GNA11: variants seen among roughly 807,000 people sequenced by gnomAD.
GNA11 encodes G protein subunit alpha 11.
GNA11 carries 8 observed loss-of-function variants against 38.2 expected under a neutral mutation model. That is an observed-to-expected ratio of 0.21 (90% confidence interval 0.12 to 0.38). The LOEUF (loss-of-function observed/expected upper bound fraction) is 0.38, where lower values mean the gene tolerates loss of function less well. Ranked by LOEUF, GNA11 falls within the 10% of genes least tolerant of loss-of-function variation. The pLI is 1.00. For synonymous variants in GNA11, 211 were observed against 221.4 expected (o/e 0.95, Z 0.42); for missense variants, 268 against 516.3 (o/e 0.52, Z 4.66).
chr19:3,103,188 A>G (rs1364647335), intron 1 of GNA11, among the ~76,000 whole-genome samples: 1 of 152,024 alleles, frequency 6.6e-6, no homozygotes, highest in Non-Finnish European at 1.5e-5. Flanking sequence ...TTGAATCTTT[A>G]TATACTTTTT....
intron 1 of GNA11, among the ~76,000 whole-genome samples, chr19:3,103,395 TG>T (rs1306043680): frequency 6.6e-6 from 1 of 150,736 alleles, no homozygotes; most frequent in Non-Finnish European, 1.5e-5. Flanking sequence ...GTATTTTTAG[TG>T]GAGATGTGGT....
At position 3,123,756 on chromosome 19, in the gene GNA11, A is replaced by T. The variant is rs1012228670; in HGVS notation, c.*2577A>T. Reference sequence around the variant, plus strand: ...GTATATTACACAGTCCTGATTTCAGACAATTTCAACCTTAATCTATTTAAA... The same window carrying T: ...GTATATTACACAGTCCTGATTTCAGTCAATTTCAACCTTAATCTATTTAAA... On this transcript the variant is annotated 3_prime_UTR_variant, in exon 7 of 7. Coordinates refer to ENST00000078429, the MANE Select transcript of GNA11 (RefSeq NM_002067.5). The T allele has an allele frequency of 4.3e-6, 1 of 232,502 alleles. No homozygotes were observed. The highest frequency in any genetic ancestry group is 8.5e-6 in the Non-Finnish European group (1 of 117,640). 14.4% of individuals were successfully genotyped at this position (232,502 alleles called of 1,614,324 possible).
intron 1 of GNA11, among the ~76,000 whole-genome samples, chr19:3,096,707 A>AC (rs138095276): frequency 0.29 from 44,238 of 150,042 alleles, 7,300 homozygotes; most frequent in Middle Eastern, 0.43. Flanking sequence ...CTGCAGTCCC[A>AC]CCCCCTCCCA....
chr19:3,114,940 G>A lies in GNA11; in HGVS notation c.477-4G>A, dbSNP rs751890914. ...CGGCCTGAGCACCCACCGCTGTGTT[G>A]CAGCTACCTGACCGACGTTGACCGC... On this transcript the variant is annotated splice_polypyrimidine_tract_variant and splice_region_variant and intron_variant, in intron 3 of 6. Transcript: ENST00000078429. The A allele has an allele frequency of 6.2e-7, 1 of 1,601,902 alleles. No individual in the cohort carries two copies. The highest frequency in any genetic ancestry group is 8.5e-7 in the Non-Finnish European group (1 of 1,175,658).
chr19:3,094,793 T>C lies in GNA11; in HGVS notation c.136+6T>C. The C allele has an allele frequency of 6.4e-7, 1 of 1,564,168 alleles. No individual in the cohort carries two copies. The highest frequency in any genetic ancestry group is 8.6e-7 in the Non-Finnish European group (1 of 1,159,674). The stretch of plus-strand genomic sequence containing the variant: ...GCTCAAGCTGCTGCTGCTCGGTGAG[T>C]GCGGCCCCCGGGCCTGCCGGCTGCG... On this transcript the variant is annotated splice_donor_region_variant and intron_variant, in intron 1 of 6. Transcript: ENST00000078429. This position sits in a 1 kb window ranked among gnomAD's most constrained non-coding sequence, Gnocchi z 6.0.
chr19:3,112,765 CTTGATGATGT>C (rs1253747362), intron 2 of GNA11, among the ~76,000 whole-genome samples: 2 of 152,248 alleles, frequency 1.3e-5, no homozygotes, highest in Non-Finnish European at 2.9e-5. Context: ...GGTATCTGCT[CTTGATGATGT>C]TTGATAAGCA....
intron 3 of GNA11, 78 bp downstream of exon 3, chr19:3,113,562 G>A (rs147292645): frequency 0.013 from 15,488 of 1,164,104 alleles, 132 homozygotes; most frequent in Non-Finnish European, 0.016. Flanking sequence ...GAAGGCCTCC[G>A]CGGCGTCTGT....
intron 1 of GNA11, among the ~76,000 whole-genome samples, chr19:3,106,476 T>G (rs1270436299): frequency 6.6e-6 from 1 of 152,196 alleles, no homozygotes; most frequent in Non-Finnish European, 1.5e-5. Context: ...GGCTTAACAG[T>G]GGCCAGCACC....
intron 1 of GNA11, among the ~76,000 whole-genome samples, chr19:3,103,596 A>G (rs565989441): frequency 1.8e-4 from 21 of 119,428 alleles, no homozygotes; most frequent in African/African-American, 6.8e-4. Context: ...CAGTGGTAGA[A>G]TGTTTGCTCA....
At chr19:3,118,110 C>T (rs1260110658) in intron 4 of GNA11, 1 of 152,256 alleles carries the variant, frequency 6.6e-6, no homozygotes, top group African/African-American at 2.4e-5. Flanking sequence ...TTTCACCACT[C>T]ACATGCCCAA....
intron 1 of GNA11, among the ~76,000 whole-genome samples, chr19:3,101,480 C>T (rs900136437): frequency 6.6e-6 from 1 of 152,192 alleles, no homozygotes; most frequent in Non-Finnish European, 1.5e-5. Context: ...CTGGTTTGCT[C>T]GGCCTTAGTC....
At chr19:3,116,285 G>A (rs771754925) in intron 4 of GNA11, among the ~76,000 whole-genome samples, 2 of 152,152 alleles carry the variant, frequency 1.3e-5, no homozygotes, top group South Asian at 4.1e-4. Flanking sequence ...GGCTTTATGC[G>A]TGCCTGTCCT....
chr19:3,103,387 A>G (rs548734398), intron 1 of GNA11, among the ~76,000 whole-genome samples: 28 of 143,352 alleles, frequency 2.0e-4, no homozygotes, highest in African/African-American at 5.5e-4. Flanking sequence ...TAATTTTTGT[A>G]TTTTTAGTGG....
rs531368884 is a variant in GNA11, at chr19:3,111,513, G to A, written c.321+1180G>A. On this transcript the variant is annotated intron_variant, in intron 2 of 6. Transcript: ENST00000078429. ...TGTCAGAGCCTCGTCCCTGTTCATG[G>A]CTGAGTCATGTTCCAGTGCATGGAG... Among the ~76,000 whole-genome samples the A allele has an allele frequency of 2.6e-5, 4 of 152,330 alleles. No individual in the cohort carries two copies. The South Asian group carries it at 8.3e-4, about 32-fold the overall frequency.
chr19:3,107,872 G>A (rs1453210912), intron 1 of GNA11, among the ~76,000 whole-genome samples: 1 of 152,156 alleles, frequency 6.6e-6, no homozygotes, highest in African/African-American at 2.4e-5. Context: ...TCAGGGCGCG[G>A]TGAGGGAAGG....
chr19:3,113,233 C>G, intron 2 of GNA11, 97 bp from the exon 3 acceptor site: 5 of 1,210,136 alleles, frequency 4.1e-6, no homozygotes, highest in Non-Finnish European at 6.1e-6. Context: ...GAATGCCGCC[C>G]GGGCCAGCCG....
intron 4 of GNA11, chr19:3,118,593 G>A (rs1913983328): frequency 3.3e-6 from 1 of 302,186 alleles, no homozygotes; most frequent in African/African-American, 2.1e-5. Flanking sequence ...GATGCCAGAT[G>A]TAGGGTCCCT....
chr19:3,107,561 T>C (rs1913668704), intron 1 of GNA11, among the ~76,000 whole-genome samples: 1 of 152,120 alleles, frequency 6.6e-6, no homozygotes, highest in Non-Finnish European at 1.5e-5. Context: ...TGTGTGTGAG[T>C]GTTTGCTGTT....
At chr19:3,096,824 C>T (rs553870462) in intron 1 of GNA11, among the ~76,000 whole-genome samples, 1 of 152,240 alleles carries the variant, frequency 6.6e-6, no homozygotes, top group East Asian at 1.9e-4. Context: ...TGTGAGCTCA[C>T]GTGCGACCCA....
Sources: allele counts gnomAD v4.1 joint callset (sites outside exome capture counted in the v4.1 genomes callset), GRCh38; gene constraint gnomAD v4.1.1; non-coding constraint Gnocchi (gnomAD v3.1); transcripts MANE v1.5; gene names NCBI Gene and HGNC (gene_info 2026-07-23, HGNC 2026-07-21).